GPC6: variants seen among roughly 807,000 people sequenced by gnomAD.
GPC6 encodes the protein glypican-6.
Under a neutral mutation model 55.2 loss-of-function variants are expected in GPC6, and 14 were observed. That is an observed-to-expected ratio of 0.25 (90% CI 0.17 to 0.40). GPC6 has a LOEUF of 0.40. Among genes scored for constraint, GPC6 ranks in the 10% least tolerant of loss-of-function variants. The pLI, the probability that GPC6 is intolerant of heterozygous loss-of-function variation, is 1.00. For synonymous variants in GPC6, 278 were observed against 259.6 expected (o/e 1.07, Z -0.68); for missense variants, 641 against 708.5 (o/e 0.90, Z 1.08).
intron 1 of GPC6, among the ~76,000 whole-genome samples, chr13:93,511,705 A>G (rs1332677315): frequency 6.6e-6 from 1 of 152,122 alleles, no homozygotes; most frequent in Non-Finnish European, 1.5e-5. Context: ...AATTCTATGA[A>G]GAATGACATT....
At chr13:93,749,248 T>C (rs1884499588) in intron 2 of GPC6, among the ~76,000 whole-genome samples, 1 of 152,070 alleles carries the variant, frequency 6.6e-6, no homozygotes, top group Non-Finnish European at 1.5e-5. Flanking sequence ...CTGTTAATTA[T>C]ATTTTGTAGT....
At chr13:93,375,894 C>T (rs1874874188) in intron 1 of GPC6, among the ~76,000 whole-genome samples, 1 of 152,042 alleles carries the variant, frequency 6.6e-6, no homozygotes, top group African/African-American at 2.4e-5. Context: ...AACGGAGGAA[C>T]CTCAGGATCT....
At chr13:93,638,278 T>A (rs1879778626) in intron 2 of GPC6, among the ~76,000 whole-genome samples, 2 of 152,150 alleles carry the variant, frequency 1.3e-5, no homozygotes, top group Admixed American at 1.3e-4. Flanking sequence ...CATACTCTGC[T>A]GAGGCATAGC....
intron 3 of GPC6, among the ~76,000 whole-genome samples, chr13:93,920,601 C>T (rs1594588785): frequency 6.6e-6 from 1 of 152,288 alleles, no homozygotes; most frequent in East Asian, 1.9e-4. Flanking sequence ...TGAATCACCT[C>T]TAATTCAATC....
intron 2 of GPC6, among the ~76,000 whole-genome samples, chr13:93,678,944 T>C (rs1881748474): frequency 6.6e-6 from 1 of 152,176 alleles, no homozygotes; most frequent in South Asian, 2.1e-4. Flanking sequence ...ACACTGTCTT[T>C]AACTCTTGCT....
rs144095960 is a variant in GPC6 at position 93,763,655 on chromosome 13, G to A, written c.320-66499G>A. Among the ~76,000 whole-genome samples the A allele has an allele frequency of 3.4e-3, 524 of 152,270 alleles. 2 individuals are homozygous for A. The highest frequency in any genetic ancestry group is 0.012 in the African/African-American group (496 of 41,558). The stretch of plus-strand genomic sequence containing the variant: ...CCATGATTTATCATAGGATATTTCA[G>A]CCAAGACATCTTCTGATTTCTAAAA... On this transcript the variant is annotated intron_variant, in intron 2 of 8. Coordinates refer to ENST00000377047, the MANE Select transcript of GPC6 (RefSeq NM_005708.5).
intron 2 of GPC6, among the ~76,000 whole-genome samples, chr13:93,596,262 G>A (rs192092966): frequency 2.0e-5 from 3 of 152,184 alleles, no homozygotes; most frequent in Admixed American, 6.5e-5. Flanking sequence ...TAGAGTGTTC[G>A]TGTGCTGGAA....
intron 4 of GPC6, among the ~76,000 whole-genome samples, chr13:94,037,187 G>T (rs1883368407): frequency 6.6e-6 from 1 of 151,898 alleles, no homozygotes; most frequent in Non-Finnish European, 1.5e-5. Context: ...AAAGGCTTCT[G>T]CACTAAATGA....
intron 5 of GPC6, among the ~76,000 whole-genome samples, chr13:94,297,866 T>C (rs1034448874): frequency 3.3e-5 from 5 of 151,884 alleles, no homozygotes; most frequent in Admixed American, 3.3e-4. Context: ...TGAGGACCAT[T>C]GTAATCAATC....
chr13:93,924,543 T>C (rs2140348348), intron 3 of GPC6, among the ~76,000 whole-genome samples: 2 of 152,364 alleles, frequency 1.3e-5, no homozygotes, highest in Middle Eastern at 6.8e-3. Flanking sequence ...CTTTCAACCC[T>C]GTATTCATTA....
chr13:94,027,887 G>C lies in GPC6; in HGVS notation c.870G>C (p.Leu290=). 1 of 1,613,916 alleles carries C rather than the reference G, an allele frequency of 6.2e-7. No individual in the cohort carries two copies. Among genetic ancestry groups the C allele is most frequent in the Non-Finnish European group, 8.5e-7 (1 of 1,179,860 alleles). The change falls in exon 4 of 9, where the codon CTG becomes CTC. Residue 290 remains leucine (L), a synonymous_variant. Transcript: ENST00000377047. ...NQADLDTEWN[L]FIDAMLLVAE... Reference sequence around the variant, plus strand: ...CTGACCTCGACACAGAGTGGAATCTGTTTATAGGTAAGAAGTGTTTAAATG... The same window carrying C: ...CTGACCTCGACACAGAGTGGAATCTCTTTATAGGTAAGAAGTGTTTAAATG...
intron 2 of GPC6, among the ~76,000 whole-genome samples, chr13:93,625,608 C>T (rs149216899): frequency 6.6e-6 from 1 of 152,128 alleles, no homozygotes; most frequent in Non-Finnish European, 1.5e-5. Flanking sequence ...AGATGCCCTC[C>T]CTCTCTTCTC....
chr13:93,587,351 C>T (rs955676878), intron 2 of GPC6, among the ~76,000 whole-genome samples: 19 of 152,082 alleles, frequency 1.2e-4, no homozygotes, highest in African/African-American at 3.1e-4. Context: ...GCATGTTACC[C>T]GCTATTACCA....
At chr13:94,018,658 A>T (rs886687318) in intron 3 of GPC6, among the ~76,000 whole-genome samples, 1 of 152,146 alleles carries the variant, frequency 6.6e-6, no homozygotes, top group Non-Finnish European at 1.5e-5. Flanking sequence ...TTTAGTCAAC[A>T]TATATAAGGG....
chr13:93,671,235 G>C (rs1881344368), intron 2 of GPC6, among the ~76,000 whole-genome samples: 2 of 151,674 alleles, frequency 1.3e-5, no homozygotes, highest in South Asian at 4.2e-4. Context: ...CCCTTTTATA[G>C]ACAATGTTGA....
chr13:93,542,416 G>A (rs1207991635), intron 1 of GPC6, among the ~76,000 whole-genome samples: 1 of 152,076 alleles, frequency 6.6e-6, no homozygotes, highest in Admixed American at 6.6e-5. Flanking sequence ...ATGCTGTTTT[G>A]GTTACTGTAG....
chr13:94,203,181 T>C (rs1349467906), intron 4 of GPC6, among the ~76,000 whole-genome samples: 3 of 151,558 alleles, frequency 2.0e-5, no homozygotes, highest in African/African-American at 7.3e-5. Context: ...TTTTAATCTA[T>C]CACTTTTGGG....
intron 2 of GPC6, among the ~76,000 whole-genome samples, chr13:93,762,960 A>G (rs1460565597): frequency 6.6e-6 from 1 of 152,222 alleles, no homozygotes; most frequent in Non-Finnish European, 1.5e-5. Context: ...GCTGTGAGTA[A>G]TAGAGTGCAC....
At chr13:93,282,117 A>G (rs1328390792) in intron 1 of GPC6, among the ~76,000 whole-genome samples, 4 of 152,190 alleles carry the variant, frequency 2.6e-5, no homozygotes, top group African/African-American at 9.7e-5. Context: ...GGAAGTTTTT[A>G]CAGCCTGTGA....
Sources: allele counts gnomAD v4.1 joint callset (sites outside exome capture counted in the v4.1 genomes callset), GRCh38; gene constraint gnomAD v4.1.1; transcripts MANE v1.5; gene names NCBI Gene and HGNC (gene_info 2026-07-23, HGNC 2026-07-21).